The following HELB variants were observed in gnomAD, a reference collection of about 807,000 sequenced individuals.
The protein encoded by HELB is DNA helicase B.
In HELB, 96 loss-of-function variants were observed where a neutral mutation model predicts 101.7. The observed-to-expected ratio is 0.94, with a 90% CI of 0.80 to 1.12. The LOEUF (loss-of-function observed/expected upper bound fraction) is 1.12. Among genes scored for constraint, HELB ranks in the 50% most tolerant of loss-of-function variants. The pLI is 0.00. For missense variants in HELB, 1,210 were observed against 1,291.9 expected, an observed-to-expected ratio of 0.94 and a Z score of 0.97; for synonymous variants, 437 against 459.7, an observed-to-expected ratio of 0.95 and a Z score of 0.63.
chr12:66,319,071 T>A (rs2053642223), intron 7 of HELB, among the ~76,000 whole-genome samples: 1 of 152,212 alleles, frequency 6.6e-6, no homozygotes, highest in African/African-American at 2.4e-5. Flanking sequence ...AAAGCCCCAA[T>A]AATTCAGGTT....
At chr12:66,320,929 G>T (rs2053663445) in intron 7 of HELB, among the ~76,000 whole-genome samples, 1 of 152,162 alleles carries the variant, frequency 6.6e-6, no homozygotes, top group Non-Finnish European at 1.5e-5. Context: ...GTGAAAAAAG[G>T]TATGGAACAG....
chr12:66,322,792 C>T lies in HELB; in HGVS notation c.2297+9C>T, dbSNP rs1421161021. On this transcript the variant is annotated intron_variant, in intron 9 of 12. Coordinates refer to ENST00000247815, the MANE Select transcript of HELB (RefSeq NM_001370285.1). ...ACAGGCCACCTCACCAAGTGAGTGT[C>T]TTCGAGAACTGAAACTTTTAAGGAC... The T allele has an allele frequency of 6.3e-7, 1 of 1,580,386 alleles. No homozygotes were observed. Among genetic ancestry groups the T allele is most frequent in the Non-Finnish European group, 8.6e-7 (1 of 1,156,494 alleles).
intron 7 of HELB, among the ~76,000 whole-genome samples, chr12:66,319,659 A>C (rs1239522376): frequency 6.6e-6 from 1 of 152,146 alleles, no homozygotes; most frequent in Non-Finnish European, 1.5e-5. Context: ...ATTATTACTG[A>C]GGACTTTTTG....
downstream of HELB, chr12:66,340,364 G>A (rs2053908575): frequency 6.6e-6 from 1 of 152,098 alleles, no homozygotes; most frequent in African/African-American, 2.4e-5. Flanking sequence ...TTTTTCTTAT[G>A]GCTAGTGATG....
chr12:66,323,106 A>T (rs2053691659), intron 9 of HELB, among the ~76,000 whole-genome samples: 1 of 152,102 alleles, frequency 6.6e-6, no homozygotes, highest in African/African-American at 2.4e-5. Flanking sequence ...TGTTTCTGAG[A>T]ATCTTAGCAA....
In HELB at chr12:66,302,578, T is replaced by C. The variant is rs767418965; in HGVS notation, c.-26T>C. 7.5e-6 allele frequency: 12 copies of C among 1,601,052 alleles called. No individual in the cohort carries two copies. The highest frequency in any genetic ancestry group is 1.7e-4 in the Middle Eastern group (1 of 6,026). ...TGCAGTTAGCCAGGGTTTTCCCGAG[T>C]TGTTTGGGTTGAGTTCAGGAGAAGC... On this transcript the variant is annotated 5_prime_UTR_variant, in exon 1 of 13. Transcript: ENST00000247815.
chr12:66,305,746 TA>T (rs11340576), intron 2 of HELB, among the ~76,000 whole-genome samples: 96,619 of 147,136 alleles, frequency 0.66, 31,961 homozygotes, highest in Middle Eastern at 0.82. Context: ...CCGTCTCAGT[TA>T]AAAAAAAAAA....
In HELB at chr12:66,304,764, G is replaced by A. The variant is rs1379813708; in HGVS notation, c.221G>A (p.Cys74Tyr). The A allele has an allele frequency of 1.2e-6, 2 of 1,613,370 alleles. No individual in the cohort carries two copies. The highest frequency in any genetic ancestry group is 2.7e-5 in the African/African-American group (2 of 74,878). ...SICDENTQET[C>Y]KVFGRFPITG... is the part of the protein sequence containing the mutation. The stretch of plus-strand genomic sequence containing the variant: ...TGTGATGAAAACACACAAGAGACAT[G>A]TAAAGTGTTTGGACGTTTTCCGATA... The change falls in exon 2 of 13, where the codon TGT becomes TAT. Residue 74 changes from cysteine to tyrosine, a missense_variant. By Grantham distance (194) the Cys-to-Tyr change is radical. Transcript: ENST00000247815.
At position 66,331,446 on chromosome 12, in the gene HELB, T is replaced by C. The variant is rs747509975; in HGVS notation, c.2963T>C (p.Val988Ala). 6.2e-7 allele frequency: 1 copy of C among 1,614,210 alleles called. No homozygotes were observed. The highest frequency in any genetic ancestry group is 2.2e-5 in the East Asian group (1 of 44,878). ...ACACCGTCAGCATCTCCACTCCCTG[T>C]AGTCACAGACCACGCCATGACAAAT... is the stretch of plus-strand genomic sequence containing the variant. Reference protein sequence around the residue: ...PSTPSASPLPVVTDHAMTNDV... With the variant: ...PSTPSASPLPAVTDHAMTNDV... The change falls in exon 12 of 13, where the codon GTA (valine) becomes GCA (alanine). Residue 988 changes from valine to alanine, a missense_variant. Val to Ala is a moderately conservative substitution (Grantham distance 64). Transcript: ENST00000247815.
chr12:66,319,160 T>C (rs1489172417), intron 7 of HELB, among the ~76,000 whole-genome samples: 2 of 152,224 alleles, frequency 1.3e-5, no homozygotes, highest in African/African-American at 2.4e-5. Flanking sequence ...TTATTTTGAA[T>C]ACAAATACTC....
At chr12:66,327,780 A>G (rs1216792191) in intron 11 of HELB, among the ~76,000 whole-genome samples, 5 of 152,002 alleles carry the variant, frequency 3.3e-5, no homozygotes, top group Admixed American at 6.6e-5. Context: ...AGAGACAGAC[A>G]CAGTCATAAA....
chr12:66,309,469 T>C (rs947017081), intron 3 of HELB, among the ~76,000 whole-genome samples: 2 of 152,176 alleles, frequency 1.3e-5, no homozygotes, highest in African/African-American at 4.8e-5. Flanking sequence ...ATAAGCCTTA[T>C]AGTATTATTT....
Position 66,302,529 on chromosome 12 carries a change from G to C in HELB, c.-75G>C. 4 of 1,428,392 alleles carry C rather than the reference G, an allele frequency of 2.8e-6. No homozygotes were observed. The highest frequency in any genetic ancestry group is 3.9e-6 in the Non-Finnish European group (4 of 1,028,518). 88.5% of individuals were successfully genotyped at this position (1,428,392 alleles called of 1,614,324 possible). A position where few individuals can be genotyped will look rare whatever the true frequency, so the allele number is the denominator to read the frequency against. On this transcript the variant is annotated 5_prime_UTR_variant, in exon 1 of 13. The change abolishes the stop of an existing upstream ORF in the 5' untranslated region. Transcript: ENST00000247815. Reference sequence around the variant, plus strand: ...GGAAGTTGATGGCCTTACAGTCGTAGAACTGATTGGCTGATCATGACCATG... The same window carrying C: ...GGAAGTTGATGGCCTTACAGTCGTACAACTGATTGGCTGATCATGACCATG...
chr12:66,310,390 CTT>C lies in HELB; in HGVS notation c.1466_1467del (p.Phe489Ter), dbSNP rs1205444607. 6.2e-7 allele frequency: 1 copy of C among 1,613,992 alleles called. No individual in the cohort carries two copies. The highest frequency in any genetic ancestry group is 1.3e-5 in the African/African-American group (1 of 74,886). The part of the protein sequence containing the change: ...GCGKTTIVSR[L>X]FKHIEQLEER... ...TGGGAAGACCACAATCGTTAGCCGT[CTT>C]TTTAAGCATATAGAGCAGTTGGAAG... On this transcript the variant is annotated frameshift_variant, in exon 4 of 13. Transcript: ENST00000247815. LOFTEE classifies it high-confidence loss of function.
intron 4 of HELB, among the ~76,000 whole-genome samples, chr12:66,312,927 G>A (rs976315871): frequency 1.3e-5 from 2 of 152,232 alleles, no homozygotes; most frequent in East Asian, 3.8e-4. Flanking sequence ...CTGGGATTGT[G>A]TGTGGGGGAA....
intron 12 of HELB, among the ~76,000 whole-genome samples, chr12:66,336,670 CAG>C (rs1422879160): frequency 6.6e-6 from 1 of 152,160 alleles, no homozygotes; most frequent in East Asian, 1.9e-4. Flanking sequence ...CGGTCTGACA[CAG>C]GGCACGGTGT....
chr12:66,330,558 T>A (rs1171127783), intron 11 of HELB, among the ~76,000 whole-genome samples: 1 of 149,438 alleles, frequency 6.7e-6, no homozygotes, highest in Non-Finnish European at 1.5e-5. Flanking sequence ...TATCTATCTA[T>A]CTGTCTATAT....
In HELB at chr12:66,314,304, T is replaced by C. The variant is rs1470363961; in HGVS notation, c.1858+141T>C. Reference sequence around the variant, plus strand: ...GATACCAAAGCTACATGAAATTAAATCTGACCACTCTCCTAATCAGCTTGG... The same window carrying C: ...GATACCAAAGCTACATGAAATTAAACCTGACCACTCTCCTAATCAGCTTGG... On this transcript the variant is annotated intron_variant, in intron 5 of 12. Coordinates refer to ENST00000247815, the MANE Select transcript of HELB (RefSeq NM_001370285.1). 7.9e-6 allele frequency: 6 copies of C among 761,592 alleles called. No homozygotes were observed. In the Admixed American group the frequency reaches 1.4e-4, roughly 18 times the overall value. The allele number at this position is 761,592 out of a possible 1,614,324, so 47.2% of individuals were successfully genotyped here.
chr12:66,309,904 A>T lies in HELB; in HGVS notation c.976A>T (p.Met326Leu). The T allele has an allele frequency of 6.2e-7, 1 of 1,614,190 alleles. No homozygotes were observed. Among genetic ancestry groups the T allele is most frequent in the Non-Finnish European group, 8.5e-7 (1 of 1,180,014 alleles). Residue 326 changes from methionine (M) to leucine (L), a missense_variant, in exon 4 of 13, where the codon ATG (methionine) becomes TTG (leucine). Coordinates refer to ENST00000247815, the MANE Select transcript of HELB (RefSeq NM_001370285.1). ...NDLTLTLSNH[M>L]SFHAASESLK... is the part of the protein sequence containing the mutation. ...CTTAACTTTGACATTGTCAAATCAT[A>T]TGTCATTTCATGCTGCTTCAGAGTC...
Sources: allele counts gnomAD v4.1 joint callset (sites outside exome capture counted in the v4.1 genomes callset), GRCh38; gene constraint gnomAD v4.1.1; transcripts MANE v1.5; gene names NCBI Gene and HGNC (gene_info 2026-07-23, HGNC 2026-07-21).